The following DTWD2 variants were observed in gnomAD, a reference collection of about 807,000 sequenced individuals.
DTWD2 encodes DTW motif tRNA-uridine aminocarboxypropyltransferase 2.
In DTWD2, 39 loss-of-function variants were observed where a neutral mutation model predicts 31.8. That is an observed-to-expected ratio of 1.22 (90% CI 0.95 to 1.60). The LOEUF is 1.60. Among genes scored for constraint, DTWD2 ranks in the 40% most tolerant of loss-of-function variants. DTWD2 has a pLI of 0.00. For synonymous variants in DTWD2, 180 were observed against 142.8 expected (o/e 1.26, Z -1.86); for missense variants, 515 against 381.5 (o/e 1.35, Z -2.92).
At chr5:118,859,679 T>C (rs760528926) in intron 4 of DTWD2, among the ~76,000 whole-genome samples, 40 of 152,218 alleles carry the variant, frequency 2.6e-4, no homozygotes, top group Non-Finnish European at 5.0e-4. Context: ...CACAGTTGCA[T>C]AGTCAAATTG....
chr5:118,979,327 T>A (rs1192658321), intron 1 of DTWD2, among the ~76,000 whole-genome samples: 3 of 151,376 alleles, frequency 2.0e-5, no homozygotes, highest in Non-Finnish European at 4.4e-5. Context: ...AAATAAATAA[T>A]AAAAAATAAA....
intron 1 of DTWD2, among the ~76,000 whole-genome samples, chr5:118,972,126 C>G (rs1755001444): frequency 6.6e-6 from 1 of 152,086 alleles, no homozygotes; most frequent in African/African-American, 2.4e-5. Context: ...AAGATCAGAG[C>G]ATAACTGAAG....
intron 4 of DTWD2, among the ~76,000 whole-genome samples, chr5:118,924,355 A>G (rs748123800): frequency 8.5e-5 from 13 of 152,212 alleles, no homozygotes; most frequent in Non-Finnish European, 1.8e-4. Context: ...TGAGAACCAG[A>G]TCCAGCAAAG....
chr5:118,958,314 C>A (rs1247137884), intron 1 of DTWD2, among the ~76,000 whole-genome samples: 1 of 151,824 alleles, frequency 6.6e-6, no homozygotes, highest in Admixed American at 6.6e-5. Flanking sequence ...CAAAATGAGC[C>A]GGGTGTGGTG....
intron 1 of DTWD2, among the ~76,000 whole-genome samples, chr5:118,945,808 A>AAGAAAGAAAG (rs1454402121): frequency 6.7e-6 from 1 of 148,376 alleles, no homozygotes; most frequent in African/African-American, 2.6e-5. Flanking sequence ...GAAAGAAAGA[A>AAGAAAGAAAG]AGAAATTCAT....
chr5:118,852,946 T>C (rs2112682800), intron 4 of DTWD2, among the ~76,000 whole-genome samples: 1 of 152,196 alleles, frequency 6.6e-6, no homozygotes, highest in African/African-American at 2.4e-5. Context: ...CATTATCCTA[T>C]GTGAATTAAT....
chr5:118,853,149 T>C lies in DTWD2; in HGVS notation c.598-4931A>G, dbSNP rs550247549. Among the ~76,000 whole-genome samples, 22 of 152,272 alleles carry C rather than the reference T, an allele frequency of 1.4e-4. No individual in the cohort carries two copies. The East Asian group carries it at 4.1e-3, about 28-fold the overall frequency. ...CTGGGTAACAGTATCATTCATACCC[T>C]AAACCTCAGCATCACACAATATACC... On this transcript the variant is annotated intron_variant, in intron 4 of 5. Coordinates refer to ENST00000510708, the MANE Select transcript of DTWD2 (RefSeq NM_173666.4).
At chr5:118,874,056 GT>G (rs1752567990) in intron 4 of DTWD2, among the ~76,000 whole-genome samples, 1 of 152,210 alleles carries the variant, frequency 6.6e-6, no homozygotes, top group Non-Finnish European at 1.5e-5. Flanking sequence ...GTCCCCAGGA[GT>G]TACAGCACTC....
chr5:118,890,163 G>C (rs566348794), intron 4 of DTWD2, among the ~76,000 whole-genome samples: 34 of 152,178 alleles, frequency 2.2e-4, no homozygotes, highest in Non-Finnish European at 4.4e-4. Flanking sequence ...TAAGGGCAGA[G>C]AGGTAATTTG....
At chr5:118,937,980 G>A (rs1754083074) in intron 3 of DTWD2, among the ~76,000 whole-genome samples, 1 of 147,192 alleles carries the variant, frequency 6.8e-6, no homozygotes, top group Non-Finnish European at 1.5e-5. Flanking sequence ...AATTTAATTA[G>A]CTTGATTGTG....
chr5:118,912,198 T>G (rs892424566), intron 4 of DTWD2, among the ~76,000 whole-genome samples: 2 of 152,204 alleles, frequency 1.3e-5, no homozygotes, highest in African/African-American at 4.8e-5. Context: ...GACACAGATC[T>G]GTCTCTGAAC....
At chr5:118,946,394 A>G (rs1243131535) in intron 1 of DTWD2, among the ~76,000 whole-genome samples, 1 of 152,202 alleles carries the variant, frequency 6.6e-6, no homozygotes, top group Admixed American at 6.5e-5. Context: ...GTGCAATGAC[A>G]AACAGATCGA....
chr5:118,861,126 G>C (rs910263210), intron 4 of DTWD2, among the ~76,000 whole-genome samples: 6 of 152,198 alleles, frequency 3.9e-5, no homozygotes, highest in African/African-American at 1.4e-4. Flanking sequence ...TTCTAAAAAT[G>C]AAATGATGGT....
intron 4 of DTWD2, among the ~76,000 whole-genome samples, chr5:118,912,986 C>T (rs2149571530): frequency 6.6e-6 from 1 of 152,286 alleles, no homozygotes; most frequent in East Asian, 1.9e-4. Context: ...ACACTCGGTG[C>T]TGATAGTTTG....
intron 4 of DTWD2, among the ~76,000 whole-genome samples, chr5:118,922,174 G>C (rs563384143): frequency 2.6e-4 from 40 of 152,260 alleles, no homozygotes; most frequent in African/African-American, 9.4e-4. Context: ...CTGCCAAATG[G>C]TCTGGATATA....
chr5:118,852,474 G>T (rs187094591), intron 4 of DTWD2, among the ~76,000 whole-genome samples: 1 of 152,052 alleles, frequency 6.6e-6, no homozygotes, highest in African/African-American at 2.4e-5. Context: ...TGGTCCCTCC[G>T]TTCAGGGTCC....
intron 1 of DTWD2, among the ~76,000 whole-genome samples, chr5:118,957,070 A>G (rs913799401): frequency 6.6e-6 from 1 of 152,192 alleles, no homozygotes; most frequent in African/African-American, 2.4e-5. Context: ...TTCATCTCCA[A>G]AACAGAAGTA....
chr5:118,974,488 C>G, intron 1 of DTWD2: 1 of 469,064 alleles, frequency 2.1e-6, no homozygotes, highest in South Asian at 1.6e-5. Context: ...CGTTCTCTGT[C>G]CTACTTCTGA....
intron 4 of DTWD2, among the ~76,000 whole-genome samples, chr5:118,882,160 A>G (rs557792368): frequency 1.6e-4 from 24 of 152,318 alleles, no homozygotes; most frequent in African/African-American, 5.8e-4. Context: ...ATTGGCCAAA[A>G]CAAAGGGACC....
Sources: allele counts gnomAD v4.1 joint callset (sites outside exome capture counted in the v4.1 genomes callset), GRCh38; gene constraint gnomAD v4.1.1; transcripts MANE v1.5; gene names NCBI Gene and HGNC (gene_info 2026-07-23, HGNC 2026-07-21).